The following EPAS1 variants were observed in gnomAD, a reference collection of about 807,000 sequenced individuals.
EPAS1 encodes the protein endothelial PAS domain-containing protein 1.
Under a neutral mutation model 87.9 loss-of-function variants are expected in EPAS1, and 23 were observed. The ratio of observed to expected loss-of-function variants is 0.26; its 90% confidence interval spans 0.19 to 0.37. The LOEUF (loss-of-function observed/expected upper bound fraction) is 0.37, where lower values mean the gene tolerates loss of function less well. EPAS1 is among the 10% of genes least tolerant of loss of function. The pLI is 1.00. For synonymous variants in EPAS1, 508 were observed against 444.3 expected (o/e 1.14, Z -1.80); for missense variants, 1,138 against 1,120.7 (o/e 1.02, Z -0.22).
chr2:46,330,317 C>T (rs938945304), intron 1 of EPAS1, among the ~76,000 whole-genome samples: 2 of 152,196 alleles, frequency 1.3e-5, no homozygotes, highest in African/African-American at 2.4e-5. Context: ...CTTCATAGCA[C>T]AGGCTGTCTT....
intron 4 of EPAS1, among the ~76,000 whole-genome samples, chr2:46,358,698 A>C (rs925214646): frequency 3.9e-5 from 6 of 152,260 alleles, no homozygotes; most frequent in African/African-American, 1.4e-4. Flanking sequence ...GTAGAACTTT[A>C]GATCTCTTGA....
rs1684753825 is a variant in EPAS1, at chr2:46,376,621, A to G, written c.1117A>G (p.Ile373Val). Residue 373 changes from isoleucine (I) to valine (V), a missense_variant, in exon 9 of 16, where the codon ATC becomes GTC. Transcript: ENST00000263734. The stretch of plus-strand genomic sequence containing the variant: ...GCCCCACCTGATGGCCATGAACAGC[A>G]TCTTTGATAGCAGTGGCAAGGGGGC... Reference protein sequence around the residue: ...FKPHLMAMNSIFDSSGKGAVS... With the variant: ...FKPHLMAMNSVFDSSGKGAVS... The G allele has an allele frequency of 6.2e-7, 1 of 1,614,196 alleles. No homozygotes were observed. Among genetic ancestry groups the G allele is most frequent in the Non-Finnish European group, 8.5e-7 (1 of 1,180,030 alleles).
intron 6 of EPAS1, among the ~76,000 whole-genome samples, chr2:46,362,951 TTAGTGGTGGTGGTGGTGGTGGTGGTAG>T (rs1291855420): frequency 2.4e-5 from 3 of 122,482 alleles, no homozygotes; most frequent in African/African-American, 6.5e-5. Context: ...ATTGTAATTG[TTAGTGGTGGTGGTGGTGGTGGTGGTAG>T]TGGTGGTGGT....
chr2:46,382,915 G>A (rs909987457), intron 15 of EPAS1, among the ~76,000 whole-genome samples: 3 of 152,174 alleles, frequency 2.0e-5, no homozygotes, highest in Admixed American at 1.3e-4. Context: ...CTGGGTTGGC[G>A]ACCCCCAGAA....
intron 1 of EPAS1, among the ~76,000 whole-genome samples, chr2:46,330,167 A>G (rs1363820546): frequency 6.6e-6 from 1 of 152,224 alleles, no homozygotes; most frequent in Non-Finnish European, 1.5e-5. Flanking sequence ...AAATCATGAC[A>G]GAATCAAACA....
intron 11 of EPAS1, 99 bp downstream of exon 11, chr2:46,378,866 G>C (rs955543820): frequency 5.9e-6 from 7 of 1,187,942 alleles, no homozygotes; most frequent in Non-Finnish European, 8.7e-6. Context: ...TTGTTGTAAA[G>C]AGCAGTGGAG....
At chr2:46,384,265 A>G (rs966762986) in intron 15 of EPAS1, among the ~76,000 whole-genome samples, 4 of 152,100 alleles carry the variant, frequency 2.6e-5, no homozygotes, top group African/African-American at 9.7e-5. Flanking sequence ...AAGCTTCCAC[A>G]TACCTGTGCT....
chr2:46,299,865 G>A (rs973568971), intron 1 of EPAS1, among the ~76,000 whole-genome samples: 1 of 152,228 alleles, frequency 6.6e-6, no homozygotes, highest in African/African-American at 2.4e-5. Context: ...AGAACGTTGC[G>A]TAATTAGACT....
At chr2:46,310,893 T>C (rs987873983) in intron 1 of EPAS1, among the ~76,000 whole-genome samples, 9 of 152,310 alleles carry the variant, frequency 5.9e-5, no homozygotes, top group Admixed American at 4.6e-4. Context: ...GCCTTTTTTT[T>C]TGAGACGGAG....
intron 1 of EPAS1, among the ~76,000 whole-genome samples, chr2:46,316,558 G>A (rs1330577417): frequency 6.6e-6 from 1 of 152,180 alleles, no homozygotes; most frequent in Non-Finnish European, 1.5e-5. Context: ...ACCGCACCTG[G>A]CCAACAATGT....
intron 15 of EPAS1, 36 bp downstream of exon 15, chr2:46,382,634 G>T (rs1684926308): frequency 6.2e-7 from 1 of 1,613,088 alleles, no homozygotes; most frequent in South Asian, 1.1e-5. Context: ...CCCATCCCAG[G>T]ATTCGATGCC....
Position 46,380,066 on chromosome 2 carries a change from T to A in EPAS1, c.1555-161T>A. On this transcript the variant is annotated intron_variant, in intron 11 of 15. Coordinates refer to ENST00000263734, the MANE Select transcript of EPAS1 (RefSeq NM_001430.5). This position sits in a 1 kb window ranked among gnomAD's most constrained non-coding sequence, Gnocchi z 4.4. Reference sequence around the variant, plus strand: ...AGGTCGTGTACATGACACAGCCAAGTCTGAGGTTTTCCTGATAGGCCCTCG... The same window carrying A: ...AGGTCGTGTACATGACACAGCCAAGACTGAGGTTTTCCTGATAGGCCCTCG... 1 of 1,130,722 alleles carries A rather than the reference T, an allele frequency of 8.8e-7. No individual in the cohort carries two copies. Among genetic ancestry groups the A allele is most frequent in the Non-Finnish European group, 1.3e-6 (1 of 757,526 alleles). The allele number at this position is 1,130,722 out of a possible 1,614,324, so 70.0% of individuals were successfully genotyped here. A position where few individuals can be genotyped will look rare whatever the true frequency, so the allele number is the denominator to read the frequency against.
rs965655157 is a variant in EPAS1 at position 46,371,143 on chromosome 2, T to G, written c.886+1210T>G. 2.0e-5 allele frequency among the ~76,000 whole-genome samples: 3 copies of G among 152,000 alleles called. No individual in the cohort carries two copies. Among genetic ancestry groups the G allele is most frequent in the African/African-American group, 7.3e-5 (3 of 41,362 alleles). Reference sequence around the variant, plus strand: ...TGGTGCTGAGAGGATTATGGGAGGATTAAAAACGGGTAAAGTAAGTCTGAG... The same window carrying G: ...TGGTGCTGAGAGGATTATGGGAGGAGTAAAAACGGGTAAAGTAAGTCTGAG... On this transcript the variant is annotated intron_variant, in intron 7 of 15. Transcript: ENST00000263734. This position sits in a 1 kb window ranked among gnomAD's most constrained non-coding sequence, Gnocchi z 4.3.
intron 2 of EPAS1, among the ~76,000 whole-genome samples, chr2:46,348,611 ATCATTGC>A (rs1684084435): frequency 2.0e-5 from 3 of 152,194 alleles, no homozygotes; most frequent in Admixed American, 2.0e-4. Flanking sequence ...CTTTGGATTA[ATCATTGC>A]TTCTTTCATC....
chr2:46,379,032 C>A (rs528669385), intron 11 of EPAS1, among the ~76,000 whole-genome samples: 1 of 152,296 alleles, frequency 6.6e-6, no homozygotes, highest in East Asian at 1.9e-4. Flanking sequence ...CGAAATGATA[C>A]CACTGCACCT....
chr2:46,302,994 A>T (rs1050170672), intron 1 of EPAS1, among the ~76,000 whole-genome samples: 2 of 151,968 alleles, frequency 1.3e-5, no homozygotes, highest in African/African-American at 4.8e-5. Context: ...AATCGCTTGA[A>T]CCCGGGAGGC....
chr2:46,314,710 T>A (rs1159483609), intron 1 of EPAS1, among the ~76,000 whole-genome samples: 1 of 152,130 alleles, frequency 6.6e-6, no homozygotes, highest in Non-Finnish European at 1.5e-5. Context: ...GGAAGGAAGG[T>A]GGACGATTAA....
At position 46,297,629 on chromosome 2, in the gene EPAS1, T is replaced by C. The variant is rs1682906210; in HGVS notation, c.-283T>C. The C allele has an allele frequency of 4.1e-6, 2 of 489,670 alleles. No homozygotes were observed. The highest frequency in any genetic ancestry group is 7.3e-6 in the Non-Finnish European group (2 of 272,630). 30.3% of individuals were successfully genotyped at this position (489,670 alleles called of 1,614,324 possible). ...AGGGAAAAAGGAACTTGGGTTCCCT[T>C]CTCTCCGTCCTCTTTTCGGGTCTGA... On this transcript the variant is annotated 5_prime_UTR_variant, in exon 1 of 16. Transcript: ENST00000263734.
rs943271818 is a variant in EPAS1, at chr2:46,346,720, G to T, written c.27-153G>T. On this transcript the variant is annotated intron_variant, in intron 1 of 15. Transcript: ENST00000263734. The surrounding 1 kb of genome is among the most constrained non-coding windows in gnomAD (Gnocchi z 4.0). ...AAGCAGAGCTAACAATACAAAGCAG[G>T]TTGTGTGTGGCTCAGACAACTGGTG... 6.6e-6 allele frequency among the ~76,000 whole-genome samples: 1 copy of T among 152,230 alleles called. No homozygotes were observed. The highest frequency in any genetic ancestry group is 1.5e-5 in the Non-Finnish European group (1 of 68,048).
Sources: allele counts gnomAD v4.1 joint callset (sites outside exome capture counted in the v4.1 genomes callset), GRCh38; gene constraint gnomAD v4.1.1; non-coding constraint Gnocchi (gnomAD v3.1); transcripts MANE v1.5; gene names NCBI Gene and HGNC (gene_info 2026-07-23, HGNC 2026-07-21).